The following MCU variants were observed in gnomAD, a reference collection of about 807,000 sequenced individuals.
The protein encoded by MCU is mitochondrial calcium uniporter, also known as calcium uniporter protein, mitochondrial.
MCU carries 12 observed loss-of-function variants against 45.2 expected under a neutral mutation model. That is an observed-to-expected ratio of 0.27 (90% CI 0.17 to 0.43). The LOEUF is 0.43. Among genes scored for constraint, MCU ranks in the 20% least tolerant of loss-of-function variants. The pLI, the probability that MCU is intolerant of heterozygous loss-of-function variation, is 1.00. For missense variants in MCU, 324 were observed against 436.7 expected (o/e 0.74, Z 2.30); for synonymous variants, 160 against 165.1 (o/e 0.97, Z 0.24).
chr10:72,850,772 G>A (rs1845196479), intron 2 of MCU, among the ~76,000 whole-genome samples: 1 of 151,764 alleles, frequency 6.6e-6, no homozygotes, highest in African/African-American at 2.4e-5. Flanking sequence ...TAATTTCTAG[G>A]CTTTTTTTGA....
chr10:72,836,584 G>C (rs894853471), intron 2 of MCU, among the ~76,000 whole-genome samples: 1 of 151,998 alleles, frequency 6.6e-6, no homozygotes, highest in Admixed American at 6.6e-5. Context: ...GATGTTATCA[G>C]AGGACATAAA....
At chr10:72,829,640 G>A (rs1844850984) in intron 1 of MCU, among the ~76,000 whole-genome samples, 2 of 150,448 alleles carry the variant, frequency 1.3e-5, no homozygotes, top group South Asian at 4.2e-4. Flanking sequence ...AAACAGTAAA[G>A]GAAAAAAACT....
chr10:72,751,341 CTTTT>C (rs71021528), intron 1 of MCU, among the ~76,000 whole-genome samples: 22 of 44,748 alleles, frequency 4.9e-4, no homozygotes, highest in African/African-American at 1.4e-3. Flanking sequence ...TCTTCTTCTT[CTTTT>C]TTTTTTTTTT....
At chr10:72,867,943 C>A (rs1161723840) in intron 4 of MCU, among the ~76,000 whole-genome samples, 1 of 150,912 alleles carries the variant, frequency 6.6e-6, no homozygotes, top group Non-Finnish European at 1.5e-5. Context: ...TATATTTTTC[C>A]CTTAGCACTT....
chr10:72,861,320 C>T (rs1845371883), intron 4 of MCU, among the ~76,000 whole-genome samples: 1 of 152,072 alleles, frequency 6.6e-6, no homozygotes, highest in African/African-American at 2.4e-5. Context: ...ACCACTGTTC[C>T]CAGCCTGTAT....
At chr10:72,818,413 A>C (rs182576655) in intron 1 of MCU, among the ~76,000 whole-genome samples, 3 of 152,298 alleles carry the variant, frequency 2.0e-5, no homozygotes, top group African/African-American at 4.8e-5. Context: ...TGTTTTGGAA[A>C]CTTGAACTCT....
chr10:72,736,854 C>T (rs897192171), intron 1 of MCU, among the ~76,000 whole-genome samples: 1 of 152,136 alleles, frequency 6.6e-6, no homozygotes, highest in East Asian at 1.9e-4. Context: ...GACATTGTTG[C>T]GTGCTGTCAA....
intron 1 of MCU, among the ~76,000 whole-genome samples, chr10:72,792,587 A>G (rs1844178719): frequency 6.6e-6 from 1 of 152,094 alleles, no homozygotes; most frequent in Non-Finnish European, 1.5e-5. Flanking sequence ...CCGGTTTTTG[A>G]AAAACTCAGG....
intron 1 of MCU, among the ~76,000 whole-genome samples, chr10:72,708,524 C>T (rs1368091943): frequency 6.6e-6 from 1 of 152,152 alleles, no homozygotes; most frequent in Non-Finnish European, 1.5e-5. Flanking sequence ...GGCATAGTGG[C>T]CCTTAAATTC....
intron 1 of MCU, among the ~76,000 whole-genome samples, chr10:72,757,509 T>C (rs554746576): frequency 1.3e-5 from 2 of 152,282 alleles, no homozygotes; most frequent in African/African-American, 4.8e-5. Flanking sequence ...TTCTAAGAGG[T>C]GCGAGCCTGT....
intron 2 of MCU, among the ~76,000 whole-genome samples, chr10:72,837,651 C>T (rs1844974129): frequency 6.6e-6 from 1 of 152,054 alleles, no homozygotes; most frequent in Non-Finnish European, 1.5e-5. Flanking sequence ...TTTCTCTGTG[C>T]CCCAGATCCT....
intron 1 of MCU, among the ~76,000 whole-genome samples, chr10:72,701,783 G>A (rs1045970579): frequency 4.0e-5 from 6 of 151,714 alleles, no homozygotes; most frequent in African/African-American, 9.7e-5. Context: ...TTCCTGCCTC[G>A]GCCTCCCAAA....
chr10:72,696,034 C>T (rs889951665), intron 1 of MCU, among the ~76,000 whole-genome samples: 10 of 151,118 alleles, frequency 6.6e-5, no homozygotes, highest in Admixed American at 5.3e-4. Context: ...TGGTGGCAGG[C>T]GCCTGTAGTC....
chr10:72,833,038 A>T (rs1844902949), intron 1 of MCU, among the ~76,000 whole-genome samples: 1 of 151,916 alleles, frequency 6.6e-6, no homozygotes, highest in African/African-American at 2.4e-5. Flanking sequence ...AAAGAAAAGT[A>T]ATAAGGGAAA....
intron 2 of MCU, 73 bp downstream of exon 2, chr10:72,834,501 C>A: frequency 7.6e-7 from 1 of 1,308,304 alleles, no homozygotes; most frequent in South Asian, 1.3e-5. Flanking sequence ...TATTCTCTGA[C>A]ACAAAAATTT....
At chr10:72,829,358 C>T (rs1272161984) in intron 1 of MCU, among the ~76,000 whole-genome samples, 1 of 150,876 alleles carries the variant, frequency 6.6e-6, no homozygotes, top group East Asian at 1.9e-4. Flanking sequence ...TAGAGATTTT[C>T]CCTTTCTCTG....
chr10:72,703,556 G>A (rs1185103719), intron 1 of MCU, among the ~76,000 whole-genome samples: 1 of 152,150 alleles, frequency 6.6e-6, no homozygotes, highest in Admixed American at 6.5e-5. Flanking sequence ...GCCCACAGTA[G>A]AAGTACATTT....
intron 1 of MCU, among the ~76,000 whole-genome samples, chr10:72,833,409 G>A (rs1360926956): frequency 6.6e-6 from 1 of 152,144 alleles, no homozygotes; most frequent in Non-Finnish European, 1.5e-5. Flanking sequence ...GCTCTTTTAA[G>A]TTGAAACGAG....
chr10:72,813,322 G>C (rs1166756935), intron 1 of MCU, among the ~76,000 whole-genome samples: 1 of 149,952 alleles, frequency 6.7e-6, no homozygotes, highest in Admixed American at 6.7e-5. Context: ...GTGATGTAAC[G>C]TCCAGAGCTG....
Sources: gnomAD v4.1 joint callset for allele counts (sites outside exome capture counted in the v4.1 genomes callset) on GRCh38, gnomAD v4.1.1 for gene constraint, MANE v1.5 for transcripts, NCBI Gene and HGNC (gene_info 2026-07-23, HGNC 2026-07-21) for gene names.